PTK2B: variants seen among roughly 807,000 people sequenced by gnomAD.
The protein encoded by PTK2B is protein-tyrosine kinase 2-beta.
A neutral mutation model predicts 142.9 loss-of-function variants in PTK2B; 71 were observed. That is an observed-to-expected ratio of 0.50 (90% CI 0.41 to 0.61). PTK2B has a LOEUF of 0.61. Among genes scored for constraint, PTK2B ranks in the 20% least tolerant of loss-of-function variants. PTK2B has a pLI of 0.00. For missense variants in PTK2B, 1,105 were observed against 1,320.4 expected (o/e 0.84, Z 2.53); for synonymous variants, 519 against 503.4 (o/e 1.03, Z -0.42).
intron 1 of PTK2B, among the ~76,000 whole-genome samples, chr8:27,372,862 T>G (rs1806442029): frequency 6.6e-6 from 1 of 152,158 alleles, no homozygotes. Context: ...TTATACTGTT[T>G]TGCAAATCTG....
chr8:27,361,874 C>T (rs372293116), intron 1 of PTK2B, among the ~76,000 whole-genome samples: 1 of 152,200 alleles, frequency 6.6e-6, no homozygotes, highest in Non-Finnish European at 1.5e-5. Flanking sequence ...TCACTGATAA[C>T]CCCGATGATG....
chr8:27,456,687 CAAGACAGGCCAA>C (rs534380592), intron 30 of PTK2B, among the ~76,000 whole-genome samples: 5 of 152,192 alleles, frequency 3.3e-5, no homozygotes, highest in Non-Finnish European at 5.9e-5. Context: ...TGTTGAAAAC[CAAGACAGGCCAA>C]AAGATAGGCC....
rs1334030649 is a variant in PTK2B, at chr8:27,450,785, G to A, written c.2377G>A (p.Ala793Thr). 6.2e-7 allele frequency: 1 copy of A among 1,614,184 alleles called. No homozygotes were observed. Among genetic ancestry groups the A allele is most frequent in the South Asian group, 1.1e-5 (1 of 91,084 alleles). The change falls in exon 25 of 31, where the codon GCC becomes ACC. Residue 793 changes from alanine (A) to threonine (T), a missense_variant. By Grantham distance (58) the Ala-to-Thr change is moderately conservative. Coordinates refer to ENST00000346049, the MANE Select transcript of PTK2B (RefSeq NM_173176.3). Reference protein sequence around the residue: ...DFIQPSSREEAQQLWEAEKVK... With the variant: ...DFIQPSSREETQQLWEAEKVK... Reference sequence around the variant, plus strand: ...CATCCAACCCAGCAGCCGAGAAGAGGCCCAGCAGCTGTGGGAGGCTGAAAA... The same window carrying A: ...CATCCAACCCAGCAGCCGAGAAGAGACCCAGCAGCTGTGGGAGGCTGAAAA...
Position 27,419,896 on chromosome 8 carries a change from A to T in PTK2B, c.206A>T (p.Glu69Val), listed in dbSNP as rs1809635604. The change falls in exon 3 of 31, where the codon GAG becomes GTG. Residue 69 changes from glutamate to valine, a missense_variant and splice_region_variant. Coordinates refer to ENST00000346049, the MANE Select transcript of PTK2B (RefSeq NM_173176.3). ...VKCTVQTEIR[E>V]IITSILLSGR... ...ATGCCTCTCTCTTCTCCTCTGCAGG[A>T]GATCATCACCTCCATCCTGCTGAGC... is the stretch of plus-strand genomic sequence containing the variant. 1 of 1,614,128 alleles carries T rather than the reference A, an allele frequency of 6.2e-7. No homozygotes were observed. Among genetic ancestry groups the T allele is most frequent in the South Asian group, 1.1e-5 (1 of 91,072 alleles).
At chr8:27,325,826 G>A (rs948174431) in intron 1 of PTK2B, 145 bp downstream of exon 1, 3 of 152,346 alleles carry the variant, frequency 2.0e-5, no homozygotes, top group Admixed American at 6.5e-5. Flanking sequence ...CCAGGAAATC[G>A]GAGCCGTGGG....
chr8:27,392,310 C>CTTT (rs56770013), intron 1 of PTK2B, among the ~76,000 whole-genome samples: 7 of 136,032 alleles, frequency 5.1e-5, no homozygotes, highest in African/African-American at 2.7e-5. Flanking sequence ...ACAAAGCGAG[C>CTTT]TTTTTTTTTT....
upstream of PTK2B, chr8:27,310,677 G>T: frequency 8.7e-7 from 1 of 1,154,468 alleles, no homozygotes; most frequent in Non-Finnish European, 1.2e-6. Context: ...GTGGGGTCCT[G>T]CATGCTGGGA....
intron 1 of PTK2B, among the ~76,000 whole-genome samples, chr8:27,381,007 G>C (rs1806981926): frequency 6.6e-6 from 1 of 152,172 alleles, no homozygotes; most frequent in African/African-American, 2.4e-5. Context: ...TGCTGTATTA[G>C]ATACTTCAGA....
chr8:27,454,893 C>A (rs747221726), intron 30 of PTK2B, among the ~76,000 whole-genome samples: 4 of 152,184 alleles, frequency 2.6e-5, no homozygotes, highest in African/African-American at 9.7e-5. Context: ...TCCTTTCCCC[C>A]CTCCTATTAT....
intron 2 of PTK2B, among the ~76,000 whole-genome samples, chr8:27,410,494 G>A (rs1278366225): frequency 6.6e-6 from 1 of 152,228 alleles, no homozygotes; most frequent in Admixed American, 6.5e-5. Flanking sequence ...CAATCCTGGT[G>A]GAGGACAGTG....
intron 1 of PTK2B, among the ~76,000 whole-genome samples, chr8:27,343,275 A>T (rs1266614335): frequency 6.6e-6 from 1 of 151,902 alleles, no homozygotes; most frequent in Admixed American, 6.6e-5. Flanking sequence ...CTTCTTCTGG[A>T]TCTCTCAGTT....
intron 20 of PTK2B, 41 bp from the exon 21 acceptor site, chr8:27,440,196 G>A: frequency 1.3e-6 from 2 of 1,588,356 alleles, no homozygotes; most frequent in East Asian, 4.5e-5. Flanking sequence ...GGGAGGGACT[G>A]GTCTCCCCCA....
intron 1 of PTK2B, among the ~76,000 whole-genome samples, chr8:27,371,375 G>A (rs1268620505): frequency 2.6e-5 from 4 of 152,164 alleles, no homozygotes; most frequent in African/African-American, 9.7e-5. Flanking sequence ...CATGCACACT[G>A]GGAATGGGCA....
rs1042390120 is a variant in PTK2B, at chr8:27,363,596, C to A, written c.-37-33952C>A. Among the ~76,000 whole-genome samples the A allele has an allele frequency of 3.3e-5, 5 of 152,258 alleles. No homozygotes were observed. The East Asian group carries it at 9.7e-4, about 29-fold the overall frequency. ...TCTGACTGCTCTTGCTGCTCTGAGC[C>A]TCTTGATTCTGATTTGGGTCTACCC... On this transcript the variant is annotated intron_variant, in intron 1 of 30. Coordinates refer to ENST00000346049, the MANE Select transcript of PTK2B (RefSeq NM_173176.3). This position sits in a 1 kb window ranked among gnomAD's most constrained non-coding sequence, Gnocchi z 4.3.
At chr8:27,409,370 G>A (rs902710503) in intron 2 of PTK2B, among the ~76,000 whole-genome samples, 8 of 152,134 alleles carry the variant, frequency 5.3e-5, no homozygotes, top group African/African-American at 1.9e-4. Context: ...GCATAACAGG[G>A]AGCTCACCAG....
intron 9 of PTK2B, chr8:27,431,994 A>AT (rs368559738): frequency 0.39 from 130,681 of 335,050 alleles, 18,491 homozygotes; most frequent in African/African-American, 0.5. Context: ...TTTTTGTGCG[A>AT]TTTTTTTTTT....
At chr8:27,326,434 G>C (rs1264235775) in intron 1 of PTK2B, among the ~76,000 whole-genome samples, 1 of 152,188 alleles carries the variant, frequency 6.6e-6, no homozygotes. Context: ...CCTGCCCTAA[G>C]CCTCGACCAC....
rs567707693 is a variant in PTK2B, at chr8:27,382,105, G to C, written c.-37-15443G>C. On this transcript the variant is annotated intron_variant, in intron 1 of 30. Coordinates refer to ENST00000346049, the MANE Select transcript of PTK2B (RefSeq NM_173176.3). ...GCTAGGATTACAGGTGCACCACCAT[G>C]CCCAGCTAATTTTTGAATTTTTAAT... 2.9e-3 allele frequency among the ~76,000 whole-genome samples: 435 copies of C among 152,150 alleles called. 4 individuals carry two copies. The South Asian group carries it at 0.029, about 10-fold the overall frequency.
Position 27,416,087 on chromosome 8 carries a change from AT to A in PTK2B, c.205-3806del, listed in dbSNP as rs923439810. Among the ~76,000 whole-genome samples, 19 of 152,298 alleles carry A rather than the reference AT, an allele frequency of 1.2e-4. 1 individual carries two copies. Among genetic ancestry groups the A allele is most frequent in the African/African-American group, 4.1e-4 (17 of 41,558 alleles). On this transcript the variant is annotated intron_variant, in intron 2 of 30. Transcript: ENST00000346049. ...ACCCAAACTCTATAAAAATTTAAAC[AT>A]TAAAAAAAAATGCCAGTTCTCTCCA...
Sources: allele counts gnomAD v4.1 joint callset (sites outside exome capture counted in the v4.1 genomes callset), GRCh38; gene constraint gnomAD v4.1.1; non-coding constraint Gnocchi (gnomAD v3.1); transcripts MANE v1.5; gene names NCBI Gene and HGNC (gene_info 2026-07-23, HGNC 2026-07-21).